LINGO2: variants seen among roughly 807,000 people sequenced by gnomAD.
LINGO2 encodes leucine rich repeat and Ig domain containing 2.
LINGO2 carries 14 observed loss-of-function variants against 30.6 expected under a neutral mutation model. The ratio of observed to expected loss-of-function variants is 0.46; its 90% confidence interval spans 0.30 to 0.72. The LOEUF (loss-of-function observed/expected upper bound fraction) is 0.72. Among genes scored for constraint, LINGO2 ranks in the 30% least tolerant of loss-of-function variants. The probability of loss-of-function intolerance (pLI) is 0.07; values close to 1 mark genes in which losing one functional copy is unlikely to be tolerated. For synonymous variants in LINGO2, 317 were observed against 288.5 expected, an observed-to-expected ratio of 1.10 and a Z score of -1.00; for missense variants, 729 against 751.7, an observed-to-expected ratio of 0.97 and a Z score of 0.35.
At chr9:29,189,894 C>T in the LINGO2 span, among the ~76,000 whole-genome samples, 1 of 151,392 alleles carries the variant, frequency 6.6e-6, no homozygotes, top group African/African-American at 2.5e-5. Context: ...CGCCTGCAAT[C>T]GCAGGCACTC....
chr9:28,790,150 G>A, the LINGO2 span, among the ~76,000 whole-genome samples: 1 of 151,800 alleles, frequency 6.6e-6, no homozygotes, highest in African/African-American at 2.4e-5. Context: ...GTCCTGCCTG[G>A]GACATAAATC....
intron 3 of LINGO2, among the ~76,000 whole-genome samples, chr9:28,300,021 T>C (rs948648887): frequency 6.6e-6 from 1 of 150,686 alleles, no homozygotes; most frequent in Admixed American, 6.6e-5. Flanking sequence ...ATAAAGAAGA[T>C]ACCAAAGCCA....
At chr9:28,700,382 G>A in the LINGO2 span, among the ~76,000 whole-genome samples, 2 of 151,780 alleles carry the variant, frequency 1.3e-5, no homozygotes, top group African/African-American at 4.8e-5. Flanking sequence ...CCTATAGTTG[G>A]GGGTCACACA....
intron 2 of LINGO2, among the ~76,000 whole-genome samples, chr9:28,438,492 T>G (rs928966858): frequency 6.6e-6 from 1 of 152,302 alleles, no homozygotes; most frequent in South Asian, 2.1e-4. Context: ...CTGGTTCTCC[T>G]GTCTTCAGCC....
intron 1 of LINGO2, among the ~76,000 whole-genome samples, chr9:28,639,425 A>G (rs551117653): frequency 9.2e-5 from 14 of 152,120 alleles, no homozygotes; most frequent in African/African-American, 3.1e-4. Context: ...TGGGGTGTTA[A>G]AGTCTCCCAT....
chr9:28,240,754 C>T (rs776855764), intron 4 of LINGO2, among the ~76,000 whole-genome samples: 6 of 152,042 alleles, frequency 3.9e-5, no homozygotes, highest in Non-Finnish European at 5.9e-5. Flanking sequence ...TGAGTAATAT[C>T]CCACAAGCAT....
At chr9:28,800,018 T>C in the LINGO2 span, among the ~76,000 whole-genome samples, 1 of 152,106 alleles carries the variant, frequency 6.6e-6, no homozygotes, top group African/African-American at 2.4e-5. Flanking sequence ...CTTTAGAACT[T>C]AGGTTTATTG....
At chr9:28,587,548 G>A (rs184742011) in intron 1 of LINGO2, among the ~76,000 whole-genome samples, 2 of 152,014 alleles carry the variant, frequency 1.3e-5, no homozygotes, top group Admixed American at 1.3e-4. Flanking sequence ...TTGGCTACCT[G>A]ACTGTAGGAC....
At chr9:28,385,685 T>C (rs770817009) in intron 2 of LINGO2, among the ~76,000 whole-genome samples, 2 of 152,146 alleles carry the variant, frequency 1.3e-5, no homozygotes, top group Non-Finnish European at 2.9e-5. Context: ...CTCTATGAAT[T>C]GTGTTTCTTT....
rs559071482 is a variant in LINGO2, at chr9:28,507,975, G to T, written c.-364-31950C>A. Among the ~76,000 whole-genome samples the T allele has an allele frequency of 1.6e-3, 241 of 152,004 alleles. 1 individual carries two copies. The highest frequency in any genetic ancestry group is 2.5e-3 in the Non-Finnish European group (167 of 67,944). On this transcript the variant is annotated intron_variant, in intron 1 of 5. Transcript: ENST00000379992. ...GCCAGCCTTTCTAATAATATATTTT[G>T]TCATATTTGGAAAGAAAAAAATAGG...
intron 2 of LINGO2, among the ~76,000 whole-genome samples, chr9:28,467,048 C>A (rs768072456): frequency 6.9e-6 from 1 of 145,194 alleles, no homozygotes; most frequent in African/African-American, 2.6e-5. Context: ...GGGGGGGGGA[C>A]GGAGTCTCGC....
At chr9:28,733,879 C>A in the LINGO2 span, among the ~76,000 whole-genome samples, 1 of 151,916 alleles carries the variant, frequency 6.6e-6, no homozygotes, top group Non-Finnish European at 1.5e-5. Flanking sequence ...TACGGAGTGG[C>A]GATTTTGCCC....
At chr9:28,728,376 C>T in the LINGO2 span, among the ~76,000 whole-genome samples, 1 of 142,924 alleles carries the variant, frequency 7.0e-6, no homozygotes. Context: ...TTATTATTCA[C>T]AAAAAAATCA....
chr9:28,706,218 G>A, the LINGO2 span, among the ~76,000 whole-genome samples: 4 of 151,942 alleles, frequency 2.6e-5, no homozygotes, highest in Admixed American at 2.0e-4. Context: ...CCTCAAGGTC[G>A]GTTTCAAACA....
chr9:28,836,118 C>T, the LINGO2 span, among the ~76,000 whole-genome samples: 2 of 152,146 alleles, frequency 1.3e-5, no homozygotes, highest in Non-Finnish European at 1.5e-5. Context: ...TGAGCCATGG[C>T]AGAAACGATC....
chr9:28,207,017 TA>T, intron 4 of LINGO2, among the ~76,000 whole-genome samples: 1 of 152,312 alleles, frequency 6.6e-6, no homozygotes, highest in East Asian at 1.9e-4. Flanking sequence ...TTCTCTTATT[TA>T]TTTTAACTGT....
intron 1 of LINGO2, among the ~76,000 whole-genome samples, chr9:28,624,662 G>A (rs140575705): frequency 3.4e-4 from 51 of 150,336 alleles, no homozygotes; most frequent in African/African-American, 1.2e-3. Flanking sequence ...TCCTGTTTTT[G>A]GTATCAGGGT....
the LINGO2 span, among the ~76,000 whole-genome samples, chr9:29,142,631 A>G: frequency 6.6e-6 from 1 of 151,944 alleles, no homozygotes; most frequent in African/African-American, 2.4e-5. Context: ...ACTAAGAATG[A>G]ACAGAAATTG....
At chr9:29,091,913 C>G in the LINGO2 span, among the ~76,000 whole-genome samples, 1 of 151,920 alleles carries the variant, frequency 6.6e-6, no homozygotes, top group African/African-American at 2.4e-5. Flanking sequence ...TTATAGCCAT[C>G]CTTCATACAC....
Sources: gnomAD v4.1 joint callset for allele counts (sites outside exome capture counted in the v4.1 genomes callset) on GRCh38, gnomAD v4.1.1 for gene constraint, MANE v1.5 for transcripts, NCBI Gene and HGNC (gene_info 2026-07-23, HGNC 2026-07-21) for gene names.